Variants in RELL1 observed in about 807,000 individuals in gnomAD.
RELL1 encodes RELT-like protein 1.
A neutral mutation model predicts 23.0 loss-of-function variants in RELL1; 10 were observed. The ratio of observed to expected loss-of-function variants is 0.43; its 90% CI spans 0.27 to 0.74. The LOEUF (loss-of-function observed/expected upper bound fraction) is 0.74, where lower values mean the gene tolerates loss of function less well. Among genes scored for constraint, RELL1 ranks in the 30% least tolerant of loss-of-function variants. RELL1 has a pLI of 0.19. For synonymous variants in RELL1, 146 were observed against 146.8 expected (o/e 0.99, Z 0.04); for missense variants, 315 against 364.4 (o/e 0.86, Z 1.10).
intron 1 of RELL1, among the ~76,000 whole-genome samples, chr4:37,685,326 G>T (rs751601335): frequency 6.6e-6 from 1 of 152,110 alleles, no homozygotes; most frequent in Non-Finnish European, 1.5e-5. Context: ...ACCCCAAATG[G>T]CCAAGTAAGT....
intron 6 of RELL1, among the ~76,000 whole-genome samples, chr4:37,604,902 C>G (rs1237356051): frequency 4.4e-5 from 2 of 45,832 alleles, no homozygotes; most frequent in African/African-American, 1.3e-4. Flanking sequence ...CACACACAGA[C>G]ACACACACAC....
At chr4:37,662,102 T>C (rs891443268) in intron 1 of RELL1, among the ~76,000 whole-genome samples, 28 of 152,218 alleles carry the variant, frequency 1.8e-4, no homozygotes, top group African/African-American at 6.5e-4. Context: ...CCCTGGAGTC[T>C]GATTCTGGGT....
downstream of RELL1, among the ~76,000 whole-genome samples, chr4:37,607,753 T>C (rs1008237905): frequency 1.3e-5 from 2 of 151,912 alleles, no homozygotes; most frequent in Non-Finnish European, 1.5e-5. Flanking sequence ...CTAATTTTTT[T>C]CTTTTTTTTG....
intron 1 of RELL1, among the ~76,000 whole-genome samples, chr4:37,669,075 T>C (rs1304140089): frequency 1.7e-4 from 17 of 100,732 alleles, no homozygotes; most frequent in South Asian, 7.2e-4. Context: ...GCCCCCCGCC[T>C]GGCCAGCCGC....
At chr4:37,654,201 A>G (rs1412865113) in intron 1 of RELL1, among the ~76,000 whole-genome samples, 2 of 152,250 alleles carry the variant, frequency 1.3e-5, no homozygotes, top group Admixed American at 6.5e-5. Context: ...ACATGTAGCT[A>G]TTTAAATTCA....
intron 6 of RELL1, among the ~76,000 whole-genome samples, chr4:37,626,762 AT>A (rs2109251872): frequency 1.3e-5 from 2 of 151,972 alleles, no homozygotes; most frequent in South Asian, 4.2e-4. Flanking sequence ...AGCACATTAC[AT>A]TGAGTGAAAT....
chr4:37,619,186 C>G lies in RELL1; in HGVS notation c.*4-5844G>C, dbSNP rs146057499. Among the ~76,000 whole-genome samples, 126 of 150,036 alleles carry G rather than the reference C, an allele frequency of 8.4e-4. 2 individuals are homozygous for G. In the East Asian group the frequency reaches 0.023, roughly 28 times the overall value. On this transcript the variant is annotated intron_variant, in intron 6 of 6. Coordinates refer to ENST00000454158, the MANE Select transcript of RELL1 (RefSeq NM_001085400.2). The stretch of plus-strand genomic sequence containing the variant: ...GAGCCACTGCACCCACCTCCCTGCA[C>G]CACATTTTTTTTTTTAGAAGGAGCC...
Position 37,686,213 on chromosome 4 carries a change from C to T in RELL1, c.75G>A (p.Pro25=). The change falls in exon 1 of 7, where the codon CCG becomes CCA. Residue 25 remains proline (P), a synonymous_variant. Coordinates refer to ENST00000454158, the MANE Select transcript of RELL1 (RefSeq NM_001085400.2). ...AVFVGGAVSS[P]LVAPDNGSSR... is the part of the protein sequence containing the mutation. ...CCGGACACTCACCCGGAGCCACCAGCGGCGAACTCACGGCGCCTCCCACGA... is the reference window on the plus strand; with the variant it reads ...CCGGACACTCACCCGGAGCCACCAGTGGCGAACTCACGGCGCCTCCCACGA... 6.3e-7 allele frequency: 1 copy of T among 1,580,220 alleles called. No homozygotes were observed. The highest frequency in any genetic ancestry group is 1.4e-5 in the African/African-American group (1 of 72,056).
At chr4:37,588,793 C>T, downstream of RELL1, 2 of 1,296,900 alleles carry the variant, frequency 1.5e-6, no homozygotes, top group East Asian at 2.3e-5. Flanking sequence ...AAACTTAATT[C>T]CTACTAATAT....
rs1553872212 is a variant in RELL1, at chr4:37,612,322, T to TAAAAAAAAAAAAAAAAAAAAA, written c.*1023_*1024insTTTTTTTTTTTTTTTTTTTTT. ...AACCAAGAATCGCTCAGCTAAAGGT[T>TAAAAAAAAAAAAAAAAAAAAA]AAAAAAAAAAAAAAAACAAAAAAAA... is the stretch of plus-strand genomic sequence containing the variant. On this transcript the variant is annotated 3_prime_UTR_variant, in exon 7 of 7. Coordinates refer to ENST00000454158, the MANE Select transcript of RELL1 (RefSeq NM_001085400.2). Among the ~76,000 whole-genome samples the TAAAAAAAAAAAAAAAAAAAAA allele has an allele frequency of 2.4e-5, 2 of 83,508 alleles. 1 individual carries two copies. The highest frequency in any genetic ancestry group is 2.9e-4 in the Admixed American group (2 of 6,864). The allele number at this position is 83,508 out of a possible 152,430, so 54.8% of individuals were successfully genotyped here. A position where few individuals can be genotyped will look rare whatever the true frequency, so the allele number is the denominator to read the frequency against.
At position 37,635,142 on chromosome 4, in the gene RELL1, C is replaced by T. The variant is rs1560339173; in HGVS notation, c.444-19G>A. ...CACGGGGCTAATGTGGGGAGGAAAA[C>T]AAAAAGAGCAACTGGTTAAAGGAAA... On this transcript the variant is annotated intron_variant, in intron 4 of 6. Transcript: ENST00000454158. 1.1e-5 allele frequency: 17 copies of T among 1,582,496 alleles called. No individual in the cohort carries two copies. Among genetic ancestry groups the T allele is most frequent in the Non-Finnish European group, 1.4e-5 (16 of 1,152,642 alleles).
In RELL1 at chr4:37,611,274, T is replaced by C. The variant is rs1337738246; in HGVS notation, c.*2072A>G. Among the ~76,000 whole-genome samples the C allele has an allele frequency of 2.6e-5, 4 of 152,228 alleles. No homozygotes were observed. In the East Asian group the frequency reaches 7.7e-4, roughly 29 times the overall value. On this transcript the variant is annotated 3_prime_UTR_variant, in exon 7 of 7. Transcript: ENST00000454158. ...ACTGCACATATATTATTTACACTAA[T>C]ACATACCCCTAAAAGTCCTATATTG...
intron 3 of RELL1, 120 bp from the exon 4 acceptor site, chr4:37,638,624 G>A (rs1407045849): frequency 9.4e-6 from 7 of 741,024 alleles, no homozygotes; most frequent in Admixed American, 3.0e-5. Flanking sequence ...TGAAGTCCTG[G>A]GGGCCTAGAG....
chr4:37,619,542 A>G (rs1257935418), intron 6 of RELL1, among the ~76,000 whole-genome samples: 1 of 151,858 alleles, frequency 6.6e-6, no homozygotes, highest in Non-Finnish European at 1.5e-5. Context: ...CTTGGTTTAT[A>G]TATGTTTACC....
chr4:37,640,644 C>T (rs1202186648), intron 3 of RELL1, among the ~76,000 whole-genome samples: 1 of 152,090 alleles, frequency 6.6e-6, no homozygotes, highest in Non-Finnish European at 1.5e-5. Context: ...ACTTATAATA[C>T]CTAATACAAT....
chr4:37,589,424 G>A (rs1037918460), downstream of RELL1, among the ~76,000 whole-genome samples: 2 of 152,124 alleles, frequency 1.3e-5, no homozygotes, highest in East Asian at 1.9e-4. Flanking sequence ...TGTATTGTAA[G>A]TATCATTCCT....
Position 37,686,336 on chromosome 4 carries a change from G to T in RELL1, c.-49C>A. On this transcript the variant is annotated 5_prime_UTR_variant, in exon 1 of 7. Transcript: ENST00000454158. ...CCCCAGGGCGCCGCGTCCCGCGCTC[G>T]GGAAGGCAGAGCCGCTCCGGAGCCG... 2.8e-6 allele frequency: 4 copies of T among 1,410,704 alleles called. No homozygotes were observed. The highest frequency in any genetic ancestry group is 1.4e-5 in the South Asian group (1 of 72,728). 87.4% of individuals were successfully genotyped at this position (1,410,704 alleles called of 1,614,324 possible). A position where few individuals can be genotyped will look rare whatever the true frequency, so the allele number is the denominator to read the frequency against.
intron 6 of RELL1, among the ~76,000 whole-genome samples, chr4:37,604,900 G>C (rs62297171): frequency 0.38 from 24,683 of 65,378 alleles, 4,401 homozygotes; most frequent in Non-Finnish European, 0.45. Flanking sequence ...CACACACACA[G>C]ACACACACAC....
chr4:37,608,351 T>G (rs1719285834), downstream of RELL1, among the ~76,000 whole-genome samples: 1 of 152,182 alleles, frequency 6.6e-6, no homozygotes. Context: ...AAGTTGTGAA[T>G]GCAAAGCAAA....
Sources: gnomAD v4.1 joint callset for allele counts (sites outside exome capture counted in the v4.1 genomes callset) on GRCh38, gnomAD v4.1.1 for gene constraint, MANE v1.5 for transcripts, NCBI Gene and HGNC (gene_info 2026-07-23, HGNC 2026-07-21) for gene names.